R3HCC1L: variants seen among roughly 807,000 people sequenced by gnomAD.
R3HCC1L encodes coiled-coil domain-containing protein R3HCC1L.
A neutral mutation model predicts 59.9 loss-of-function variants in R3HCC1L; 51 were observed. The observed-to-expected ratio is 0.85, with a 90% confidence interval of 0.68 to 1.07. R3HCC1L has a LOEUF of 1.07. Ranked by LOEUF, R3HCC1L falls within the 50% of genes least tolerant of loss-of-function variation. The pLI, the probability that R3HCC1L is intolerant of heterozygous loss-of-function variation, is 0.00. For missense variants in R3HCC1L, 965 were observed against 933.0 expected (o/e 1.03, Z -0.45); for synonymous variants, 322 against 315.2 (o/e 1.02, Z -0.23).
intron 4 of R3HCC1L, among the ~76,000 whole-genome samples, chr10:98,191,003 A>G (rs561797914): frequency 1.3e-5 from 2 of 152,236 alleles, no homozygotes; most frequent in East Asian, 3.9e-4. Context: ...TTTCGGCTGC[A>G]TAGTATTCCA....
rs1853154796 is a variant in R3HCC1L at position 98,209,018 on chromosome 10, C to A, written c.904C>A (p.Gln302Lys). The change falls in exon 5 of 10, where the codon CAA becomes AAA. Residue 302 changes from glutamine (Q) to lysine (K), a missense_variant. Gln to Lys is a moderately conservative substitution (Grantham distance 53). Coordinates refer to ENST00000298999, the MANE Select transcript of R3HCC1L (RefSeq NM_001351015.2). ...CAATAGTACAGGTTTCATCTTAGAT[C>A]AAAAAGATACAGATTCCATTCCTGC... The part of the protein sequence containing the change: ...IANSTGFILD[Q>K]KDTDSIPATM... 1.2e-6 allele frequency: 2 copies of A among 1,613,734 alleles called. No homozygotes were observed. Among genetic ancestry groups the A allele is most frequent in the Non-Finnish European group, 1.7e-6 (2 of 1,179,760 alleles).
chr10:98,213,468 GC>G (rs1347739406), intron 5 of R3HCC1L, among the ~76,000 whole-genome samples: 1 of 152,066 alleles, frequency 6.6e-6, no homozygotes, highest in Non-Finnish European at 1.5e-5. Context: ...GTATTTCATT[GC>G]CTGATAAGTG....
At chr10:98,208,048 G>A in intron 4 of R3HCC1L, 53 bp from the exon 5 acceptor site, 1 of 1,454,272 alleles carries the variant, frequency 6.9e-7, no homozygotes, top group Non-Finnish European at 9.2e-7. Context: ...AAAATATTTT[G>A]GTTCAATACA....
intron 6 of R3HCC1L, among the ~76,000 whole-genome samples, chr10:98,233,191 T>C (rs1405459887): frequency 6.6e-6 from 1 of 152,186 alleles, no homozygotes. Flanking sequence ...GATCATTTTG[T>C]TGATGTCTAG....
intron 4 of R3HCC1L, among the ~76,000 whole-genome samples, chr10:98,168,517 A>G (rs967648507): frequency 2.6e-5 from 4 of 152,194 alleles, no homozygotes; most frequent in African/African-American, 9.7e-5. Context: ...GGGACCTCCA[A>G]GATCCTACTG....
intron 9 of R3HCC1L, among the ~76,000 whole-genome samples, chr10:98,241,488 A>G (rs563767667): frequency 6.0e-4 from 92 of 152,262 alleles, no homozygotes; most frequent in African/African-American, 2.0e-3. Flanking sequence ...GGGCCAGCCA[A>G]TGTGAATGTT....
intron 4 of R3HCC1L, chr10:98,174,411 T>TA: frequency 1.9e-6 from 1 of 523,178 alleles, no homozygotes; most frequent in East Asian, 1.5e-4. Context: ...AATCAGTTCT[T>TA]ACATTAATTT....
chr10:98,190,166 C>G (rs966263030), intron 4 of R3HCC1L, among the ~76,000 whole-genome samples: 5 of 152,160 alleles, frequency 3.3e-5, no homozygotes, highest in African/African-American at 1.2e-4. Flanking sequence ...CGAGGAAAAT[C>G]TGTGCATGTT....
At chr10:98,228,587 A>G (rs1435103762) in intron 5 of R3HCC1L, among the ~76,000 whole-genome samples, 3 of 152,078 alleles carry the variant, frequency 2.0e-5, no homozygotes, top group Non-Finnish European at 4.4e-5. Context: ...CTTTAGTTTA[A>G]TTAGATCTCA....
intron 1 of R3HCC1L, among the ~76,000 whole-genome samples, chr10:98,144,414 C>T (rs1333737240): frequency 6.6e-6 from 1 of 152,012 alleles, no homozygotes; most frequent in Non-Finnish European, 1.5e-5. Flanking sequence ...TGGGGTTTCA[C>T]CATGTTGGCC....
chr10:98,172,842 A>G (rs569286817), intron 4 of R3HCC1L, among the ~76,000 whole-genome samples: 1 of 152,292 alleles, frequency 6.6e-6, no homozygotes, highest in East Asian at 1.9e-4. Context: ...AAATTTGACT[A>G]AACTTGGGAT....
In R3HCC1L at chr10:98,183,429, A is replaced by T. The variant is rs1197046841; in HGVS notation, c.-15+20032A>T. Among the ~76,000 whole-genome samples the T allele has an allele frequency of 3.5e-5, 5 of 142,958 alleles. No homozygotes were observed. The East Asian group carries it at 6.2e-4, about 18-fold the overall frequency. 93.8% of individuals were successfully genotyped at this position (142,958 alleles called of 152,430 possible). A position where few individuals can be genotyped will look rare whatever the true frequency, so the allele number is the denominator to read the frequency against. On this transcript the variant is annotated intron_variant, in intron 4 of 9. Coordinates refer to ENST00000298999, the MANE Select transcript of R3HCC1L (RefSeq NM_001351015.2). ...TTGAATATAATGTGTCTAATTGTGG[A>T]TTTTTGTTGTTGTTGTTGTTGTTGT...
chr10:98,163,417 G>T lies in R3HCC1L; in HGVS notation c.-15+20G>T. Reference sequence around the variant, plus strand: ...TACATGGTAAGTTGCCTTTACTTATGCATATTTTATAGAAATACTGTCTGT... The same window carrying T: ...TACATGGTAAGTTGCCTTTACTTATTCATATTTTATAGAAATACTGTCTGT... On this transcript the variant is annotated intron_variant, in intron 4 of 9. Coordinates refer to ENST00000298999, the MANE Select transcript of R3HCC1L (RefSeq NM_001351015.2). The T allele has an allele frequency of 7.9e-7, 1 of 1,271,520 alleles. No homozygotes were observed. Among genetic ancestry groups the T allele is most frequent in the South Asian group, 1.8e-5 (1 of 54,634 alleles). The allele number at this position is 1,271,520 out of a possible 1,614,324, so 78.8% of individuals were successfully genotyped here. A position where few individuals can be genotyped will look rare whatever the true frequency, so the allele number is the denominator to read the frequency against.
chr10:98,231,516 C>G lies in R3HCC1L; in HGVS notation c.1790C>G (p.Ser597Ter). 1 of 1,609,968 alleles carries G rather than the reference C, an allele frequency of 6.2e-7. No homozygotes were observed. The highest frequency in any genetic ancestry group is 1.7e-5 in the Admixed American group (1 of 58,816). ...CLDPRLLQEL[S>*]GNTKSRESIQ... ...AACGTGCTTCTTCCTTTCTAGTTAT[C>G]AGGGAATACCAAGAGCAGAGAGAGC... Residue 597 changes from serine to a stop codon, truncating the protein, a stop_gained, in exon 6 of 10, where the codon TCA becomes TGA. Transcript: ENST00000298999. LOFTEE classifies it high-confidence loss of function.
chr10:98,243,013 G>A (rs1221578154), intron 9 of R3HCC1L, among the ~76,000 whole-genome samples: 3 of 152,190 alleles, frequency 2.0e-5, no homozygotes, highest in African/African-American at 7.2e-5. Flanking sequence ...TTCAGATAAT[G>A]CCACAAGATG....
chr10:98,215,239 A>G (rs1004239380), intron 5 of R3HCC1L, among the ~76,000 whole-genome samples: 1 of 152,206 alleles, frequency 6.6e-6, no homozygotes, highest in Non-Finnish European at 1.5e-5. Context: ...ATTCTCAGGA[A>G]TGACTAGAAA....
At chr10:98,222,173 G>T (rs1465999595) in intron 5 of R3HCC1L, among the ~76,000 whole-genome samples, 2 of 152,054 alleles carry the variant, frequency 1.3e-5, no homozygotes, top group South Asian at 4.2e-4. Flanking sequence ...TTATTTGGCT[G>T]TCTGTTTGTC....
intron 4 of R3HCC1L, among the ~76,000 whole-genome samples, chr10:98,182,681 C>T (rs1229337421): frequency 8.5e-5 from 13 of 152,156 alleles, no homozygotes; most frequent in Admixed American, 7.2e-4. Flanking sequence ...CATTGAGCTG[C>T]GGTGGGCTCT....
chr10:98,140,800 C>A (rs1273945015), intron 1 of R3HCC1L, among the ~76,000 whole-genome samples: 1 of 152,054 alleles, frequency 6.6e-6, no homozygotes, highest in African/African-American at 2.4e-5. Context: ...AATATCAAGT[C>A]AATTTATGTA....
Sources: gnomAD v4.1 joint callset for allele counts (sites outside exome capture counted in the v4.1 genomes callset) on GRCh38, gnomAD v4.1.1 for gene constraint, MANE v1.5 for transcripts, NCBI Gene and HGNC (gene_info 2026-07-23, HGNC 2026-07-21) for gene names.